BRD2: variants seen among roughly 807,000 people sequenced by gnomAD.
BRD2 encodes bromodomain-containing protein 2.
A neutral mutation model predicts 79.1 loss-of-function variants in BRD2; 15 were observed. That is an observed-to-expected ratio of 0.19 (90% CI 0.13 to 0.29). BRD2 has a LOEUF of 0.29. Among genes scored for constraint, BRD2 ranks in the 10% least tolerant of loss-of-function variants. BRD2 has a pLI of 1.00. For synonymous variants in BRD2, 488 were observed against 358.6 expected, an observed-to-expected ratio of 1.36 and a Z score of -4.08; for missense variants, 1,053 against 991.3, an observed-to-expected ratio of 1.06 and a Z score of -0.84.
rs774660591 is a variant in BRD2, at chr6:32,980,442, T to G, written c.2247T>G (p.Ser749=). 6.2e-7 allele frequency: 1 copy of G among 1,613,082 alleles called. No homozygotes were observed. The highest frequency in any genetic ancestry group is 1.7e-5 in the Admixed American group (1 of 60,014). ...RLQDVSGQLN[S]TKKPPKKANE... ...AAGATGTCAGCGGACAGCTCAATTC[T>G]ACTAAAAAGCCCCCCAAGAAAGGTG... The change falls in exon 12 of 13, where the codon TCT becomes TCG. Residue 749 remains serine, a synonymous_variant. Coordinates refer to ENST00000374825, the MANE Select transcript of BRD2 (RefSeq NM_005104.4).
chr6:32,976,000 ACTTT>A (rs751613816), intron 4 of BRD2, 27 bp from the exon 5 acceptor site: 35 of 1,574,236 alleles, frequency 2.2e-5, no homozygotes, highest in Middle Eastern at 1.7e-4. Flanking sequence ...GCATTTTTTA[ACTTT>A]CTTTATTGCT....
intron 4 of BRD2, 108 bp from the exon 5 acceptor site, chr6:32,975,922 TG>T: frequency 4.1e-6 from 5 of 1,228,132 alleles, no homozygotes; most frequent in Non-Finnish European, 5.6e-6. Context: ...AGATGACTGG[TG>T]GGGGTATGGT....
chr6:32,969,840 G>A (rs1777784733), intron 1 of BRD2, among the ~76,000 whole-genome samples: 1 of 152,162 alleles, frequency 6.6e-6, no homozygotes, highest in African/African-American at 2.4e-5. Flanking sequence ...AGCTCCCAAG[G>A]TTTCGGGTTT....
At chr6:32,969,835 C>T (rs372372528) in intron 1 of BRD2, among the ~76,000 whole-genome samples, 2 of 152,142 alleles carry the variant, frequency 1.3e-5, no homozygotes, top group Non-Finnish European at 2.9e-5. Context: ...TTCACAGCTC[C>T]CAAGGTTTCG....
At chr6:32,979,477 T>A (rs1227809673) in intron 10 of BRD2, 5 of 296,238 alleles carry the variant, frequency 1.7e-5, no homozygotes, top group African/African-American at 8.8e-5. Context: ...TACGGAGTTT[T>A]TTTTAGATAC....
At chr6:32,978,486 C>G (rs763191880) in intron 10 of BRD2, 98 bp downstream of exon 10, 12 of 1,529,426 alleles carry the variant, frequency 7.8e-6, no homozygotes, top group Non-Finnish European at 1.1e-5. Flanking sequence ...GGCCAGTTAA[C>G]AGATACAATA....
In BRD2 at chr6:32,976,551, T is replaced by C. The variant is rs2066756; in HGVS notation, c.826-11T>C. On this transcript the variant is annotated splice_polypyrimidine_tract_variant and intron_variant, in intron 6 of 12. Coordinates refer to ENST00000374825, the MANE Select transcript of BRD2 (RefSeq NM_005104.4). ...GGAGTGACAGGTTCCCTATCTTGTT[T>C]CTTTCTGCAGAAAAAAGGCGTAAAG... 6.4e-4 allele frequency: 1,011 copies of C among 1,591,652 alleles called. 14 individuals carry two copies. The South Asian group carries it at 0.01, about 16-fold the overall frequency.
Position 32,976,307 on chromosome 6 carries a change from A to G in BRD2, c.668A>G (p.His223Arg). Reference sequence around the variant, plus strand: ...GTGCCTGCCGTCTCTTCTGTGTCACACACAGCCCTGTATACTCCTCCACCT... The same window carrying G: ...GTGCCTGCCGTCTCTTCTGTGTCACGCACAGCCCTGTATACTCCTCCACCT... ...HQVPAVSSVS[H>R]TALYTPPPEI... is the part of the protein sequence containing the mutation. Residue 223 changes from histidine to arginine, a missense_variant, in exon 6 of 13, where the codon CAC (histidine) becomes CGC (arginine). His to Arg is a conservative substitution (Grantham distance 29). Transcript: ENST00000374825. 6.2e-7 allele frequency: 1 copy of G among 1,612,900 alleles called. No individual in the cohort carries two copies. Among genetic ancestry groups the G allele is most frequent in the Non-Finnish European group, 8.5e-7 (1 of 1,180,002 alleles).
intron 4 of BRD2, 119 bp from the exon 5 acceptor site, chr6:32,975,912 A>G (rs1778678169): frequency 4.2e-6 from 5 of 1,178,116 alleles, no homozygotes; most frequent in East Asian, 2.5e-5. Context: ...TTTGATGACA[A>G]GATGACTGGT....
At chr6:32,979,593 TTAAGG>T (rs1299467374) in intron 10 of BRD2, 7 of 465,098 alleles carry the variant, frequency 1.5e-5, no homozygotes, top group Non-Finnish European at 2.3e-5. Context: ...TATTTTTTCA[TTAAGG>T]TATGTACGTA....
intron 2 of BRD2, 132 bp from the exon 3 acceptor site, chr6:32,974,330 C>T (rs138551299): frequency 1.0e-5 from 9 of 884,356 alleles, no homozygotes; most frequent in East Asian, 2.4e-5. Flanking sequence ...GATATTGTTT[C>T]TGCTTAAGAA....
rs757563752 is a variant in BRD2 at position 32,978,373 on chromosome 6, G to A, written c.1826G>A (p.Gly609Glu). ...ALGPSGFGPS[G>E]GSGTKLPKKA... ...GGCCCTTCTGGCTTTGGACCTTCTG[G>A]AGGAAGTGGCACCAAGTGAGTTAGA... Residue 609 changes from glycine (G) to glutamate (E), a missense_variant, in exon 10 of 13, where the codon GGA becomes GAA. By Grantham distance (98) the Gly-to-Glu change is moderately conservative. Around this residue, in one of 5 missense-constraint regions of BRD2, gnomAD observed 454 missense variants for 430.5 expected, o/e 1.05. Transcript: ENST00000374825. The A allele has an allele frequency of 6.2e-7, 1 of 1,612,470 alleles. No homozygotes were observed. The highest frequency in any genetic ancestry group is 1.7e-5 in the Admixed American group (1 of 59,992).
At chr6:32,978,815 C>G (rs1419966724) in intron 10 of BRD2, 2 of 180,734 alleles carry the variant, frequency 1.1e-5, no homozygotes, top group East Asian at 2.9e-4. Flanking sequence ...GTTGGGACCC[C>G]TGGCTTTGGG....
chr6:32,978,592 G>A, intron 10 of BRD2: 1 of 790,206 alleles, frequency 1.3e-6, no homozygotes, highest in East Asian at 2.7e-5. Context: ...GATGGTTTTT[G>A]GGATGAAACT....
chr6:32,973,293 C>T (rs1025111713), intron 2 of BRD2, among the ~76,000 whole-genome samples: 4 of 152,086 alleles, frequency 2.6e-5, no homozygotes, highest in African/African-American at 9.7e-5. Flanking sequence ...GATTCACGGA[C>T]ACCTCTAGCG....
Position 32,980,008 on chromosome 6 carries a change from C to T in BRD2, c.2022C>T (p.Pro674=). 6.2e-7 allele frequency: 1 copy of T among 1,613,118 alleles called. No individual in the cohort carries two copies. The highest frequency in any genetic ancestry group is 8.5e-7 in the Non-Finnish European group (1 of 1,180,032). The change falls in exon 11 of 13, where the codon CCC becomes CCT. Residue 674 remains proline (P), a synonymous_variant. Transcript: ENST00000374825. ...RVVHIIQARE[P]SLRDSNPEEI... ...TGCATATAATCCAAGCCAGGGAGCC[C>T]TCTTTACGTGATTCAAACCCAGAAG...
intron 2 of BRD2, among the ~76,000 whole-genome samples, chr6:32,973,771 T>G (rs190002830): frequency 6.6e-6 from 1 of 152,258 alleles, no homozygotes; most frequent in Non-Finnish European, 1.5e-5. Flanking sequence ...GCTTTTTGAC[T>G]TCCTTGGAGT....
At chr6:32,977,698 T>G (rs1778946210) in intron 8 of BRD2, 59 bp from the exon 9 acceptor site, 1 of 1,606,620 alleles carries the variant, frequency 6.2e-7, no homozygotes, top group African/African-American at 1.3e-5. Flanking sequence ...TATCACTTGG[T>G]GGCTGGGTAT....
rs966453499 is a variant in BRD2 at position 32,978,233 on chromosome 6, G to T, written c.1686G>T (p.Lys562Asn). Residue 562 changes from lysine (K) to asparagine (N), a missense_variant, in exon 10 of 13, where the codon AAG becomes AAT. Coordinates refer to ENST00000374825, the MANE Select transcript of BRD2 (RefSeq NM_005104.4). Reference sequence around the variant, plus strand: ...AAAAGAAGAAACGGAAGGCAGAGAAGCATCGAGGCCGAGCTGGGGCCGATG... The same window carrying T: ...AAAAGAAGAAACGGAAGGCAGAGAATCATCGAGGCCGAGCTGGGGCCGATG... The part of the protein sequence containing the change: ...KEKKKKRKAE[K>N]HRGRAGADED... 1.2e-6 allele frequency: 2 copies of T among 1,612,952 alleles called. No individual in the cohort carries two copies. Among genetic ancestry groups the T allele is most frequent in the Non-Finnish European group, 1.7e-6 (2 of 1,180,046 alleles).
Sources: gnomAD v4.1 joint callset for allele counts (sites outside exome capture counted in the v4.1 genomes callset) on GRCh38, gnomAD v4.1.1 for gene constraint, gnomAD v4.1.1 regional missense constraint, MANE v1.5 for transcripts, NCBI Gene and HGNC (gene_info 2026-07-23, HGNC 2026-07-21) for gene names.